TRIM66: variants seen among roughly 807,000 people sequenced by gnomAD.
TRIM66 encodes the protein tripartite motif-containing protein 66.
In TRIM66, 99 loss-of-function variants were observed where a neutral mutation model predicts 148.2. The observed-to-expected ratio is 0.67, with a 90% confidence interval of 0.57 to 0.79. The LOEUF (loss-of-function observed/expected upper bound fraction) is 0.79. Among genes scored for constraint, TRIM66 ranks in the 30% least tolerant of loss-of-function variants. TRIM66 has a pLI of 0.00. For missense variants in TRIM66, 1,666 were observed against 1,697.9 expected, an observed-to-expected ratio of 0.98 and a Z score of 0.33; for synonymous variants, 616 against 635.9, an observed-to-expected ratio of 0.97 and a Z score of 0.47.
rs1457217588 is a variant in TRIM66 at position 8,621,721 on chromosome 11, G to A, written c.3179C>T (p.Pro1060Leu). 1 of 1,551,614 alleles carries A rather than the reference G, an allele frequency of 6.4e-7. No individual in the cohort carries two copies. Among genetic ancestry groups the A allele is most frequent in the African/African-American group, 1.4e-5 (1 of 73,038 alleles). Reference sequence around the variant, plus strand: ...GCTCCCATCCTGATCATTCTTCTGTGGCTTCAGTTTGAACACAGGCATCTC... The same window carrying A: ...GCTCCCATCCTGATCATTCTTCTGTAGCTTCAGTTTGAACACAGGCATCTC... ...SGEMPVFKLK[P>L]QKNDQDGSFL... Residue 1060 changes from proline (P) to leucine (L), a missense_variant, in exon 19 of 25, where the codon CCA becomes CTA. By Grantham distance (98) the Pro-to-Leu change is moderately conservative. This residue lies in a region of TRIM66 where 1,431 missense variants were observed against 1,412.4 expected (regional missense o/e 1.01). Coordinates refer to ENST00000646038, the MANE Select transcript of TRIM66 (RefSeq NM_001388022.1).
Position 8,615,514 on chromosome 11 carries a change from T to G in TRIM66, c.*2430A>C, listed in dbSNP as rs2033666778. 6.6e-6 allele frequency: 1 copy of G among 152,122 alleles called. No homozygotes were observed. Among genetic ancestry groups the G allele is most frequent in the Non-Finnish European group, 1.5e-5 (1 of 68,020 alleles). The allele number at this position is 152,122 out of a possible 1,614,324, so 9.4% of individuals were successfully genotyped here. A position where few individuals can be genotyped will look rare whatever the true frequency, so the allele number is the denominator to read the frequency against. On this transcript the variant is annotated 3_prime_UTR_variant, in exon 25 of 25. Coordinates refer to ENST00000646038, the MANE Select transcript of TRIM66 (RefSeq NM_001388022.1). ...TGAAGAGCCTCTGCAGGCAGTCACT[T>G]GGCTAGTAGGATTTTTTTTTTTTTA...
chr11:8,629,137 A>G (rs911048652), intron 15 of TRIM66, among the ~76,000 whole-genome samples: 5 of 152,206 alleles, frequency 3.3e-5, no homozygotes, highest in African/African-American at 1.2e-4. Context: ...CCAAAAATCA[A>G]TGGCTATCTC....
intron 13 of TRIM66, among the ~76,000 whole-genome samples, chr11:8,642,426 T>C (rs1263552158): frequency 6.6e-6 from 1 of 152,214 alleles, no homozygotes; most frequent in East Asian, 1.9e-4. Flanking sequence ...TAACACTCGT[T>C]AGGCTGTCAA....
rs1041019886 is a variant in TRIM66, at chr11:8,616,158, G to A, written c.*1786C>T. 7 of 152,310 alleles carry A rather than the reference G, an allele frequency of 4.6e-5. No individual in the cohort carries two copies. In the East Asian group the frequency reaches 5.8e-4, roughly 13 times the overall value. 9.4% of individuals were successfully genotyped at this position (152,310 alleles called of 1,614,324 possible). The stretch of plus-strand genomic sequence containing the variant: ...ACTCAGTTACCCCAAACTAGAAAAC[G>A]GGATCACGGAAGCCCATCTGCTTAG... On this transcript the variant is annotated 3_prime_UTR_variant, in exon 25 of 25. Coordinates refer to ENST00000646038, the MANE Select transcript of TRIM66 (RefSeq NM_001388022.1).
chr11:8,627,402 T>G (rs2034956609), intron 15 of TRIM66, among the ~76,000 whole-genome samples: 1 of 152,240 alleles, frequency 6.6e-6, no homozygotes. Context: ...GAGAATTTAT[T>G]ATATGCAAGG....
chr11:8,644,533 C>T (rs2036683205), intron 12 of TRIM66: 1 of 402,532 alleles, frequency 2.5e-6, no homozygotes, highest in Non-Finnish European at 4.9e-6. Context: ...TCCTGTCCTC[C>T]CATCTCAGAC....
chr11:8,643,161 T>C, intron 12 of TRIM66, 35 bp from the exon 13 acceptor site: 1 of 1,528,180 alleles, frequency 6.5e-7, no homozygotes, highest in Non-Finnish European at 8.9e-7. Flanking sequence ...TATTTGGGCA[T>C]CTTGCACCTA....
chr11:8,682,465 C>T (rs1235714793), intron 1 of TRIM66, 136 bp downstream of exon 1: 1 of 386,464 alleles, frequency 2.6e-6, no homozygotes, highest in Non-Finnish European at 4.7e-6. Flanking sequence ...CCCTTAGGGT[C>T]GGCTTAGGCG....
intron 6 of TRIM66, among the ~76,000 whole-genome samples, chr11:8,665,515 T>C (rs988794330): frequency 7.2e-5 from 11 of 152,222 alleles, no homozygotes; most frequent in African/African-American, 2.4e-4. Flanking sequence ...TATGAGCTCT[T>C]TGAAGTCAAG....
chr11:8,679,715 G>T lies in TRIM66; in HGVS notation c.-285C>A, dbSNP rs145735913. 1 of 152,610 alleles carries T rather than the reference G, an allele frequency of 6.6e-6. No individual in the cohort carries two copies. 9.5% of individuals were successfully genotyped at this position (152,610 alleles called of 1,614,324 possible). ...CCAGTTTTGATGTCAAATAGACGAC[G>T]ATGTCTTCTTTGATCTCCCCTCCTA... On this transcript the variant is annotated 5_prime_UTR_variant, in exon 3 of 25. Coordinates refer to ENST00000646038, the MANE Select transcript of TRIM66 (RefSeq NM_001388022.1).
At chr11:8,655,176 G>A (rs770904924) in intron 6 of TRIM66, among the ~76,000 whole-genome samples, 3 of 152,088 alleles carry the variant, frequency 2.0e-5, no homozygotes, top group Admixed American at 6.6e-5. Flanking sequence ...TGCATTTTTC[G>A]GGAGTTTGTG....
At chr11:8,677,900 T>C (rs1425695183) in intron 3 of TRIM66, among the ~76,000 whole-genome samples, 51 of 152,320 alleles carry the variant, frequency 3.3e-4, no homozygotes, top group Non-Finnish European at 5.9e-5. Flanking sequence ...TAAAAATTCC[T>C]AATCTTCCAA....
At chr11:8,639,915 A>G (rs1050217620) in intron 14 of TRIM66, among the ~76,000 whole-genome samples, 1 of 152,186 alleles carries the variant, frequency 6.6e-6, no homozygotes, top group Admixed American at 6.5e-5. Context: ...CACTGGCAGG[A>G]GTTCAGCACA....
chr11:8,636,558 G>A (rs2035897778), intron 15 of TRIM66, among the ~76,000 whole-genome samples: 1 of 151,970 alleles, frequency 6.6e-6, no homozygotes, highest in African/African-American at 2.4e-5. Flanking sequence ...CCACTGGGAT[G>A]GGAGCATGGG....
intron 4 of TRIM66, among the ~76,000 whole-genome samples, chr11:8,672,619 C>CT (rs11293374): frequency 0.056 from 6,372 of 113,222 alleles, 219 homozygotes; most frequent in South Asian, 0.078. Context: ...ACTCCAGTCT[C>CT]TTTTTTTTTT....
upstream of TRIM66, chr11:8,682,740 G>GT (rs2039504302): frequency 1.7e-5 from 27 of 1,603,214 alleles, 1 homozygote; most frequent in South Asian, 2.9e-4. Flanking sequence ...GAAGTGAGGC[G>GT]TTTTGCCCCG....
At position 8,643,125 on chromosome 11, in the gene TRIM66, A is replaced by G; in HGVS notation, c.1106T>C (p.Ile369Thr). ...SVPFLFSKEL[I>T]VFQMQRLLET... is the part of the protein sequence containing the mutation. ...CAGCAATCGCTGCATCTGAAACACA[A>G]TCTGACAACAGCACCAAAGGTCATT... The change falls in exon 13 of 25, where the codon ATT (isoleucine) becomes ACT (threonine). Residue 369 changes from isoleucine (I) to threonine (T), a missense_variant and splice_region_variant. Physicochemically the swap from Ile to Thr is moderately conservative, Grantham distance 89. Coordinates refer to ENST00000646038, the MANE Select transcript of TRIM66 (RefSeq NM_001388022.1). 6.4e-7 allele frequency: 1 copy of G among 1,550,546 alleles called. No individual in the cohort carries two copies. Among genetic ancestry groups the G allele is most frequent in the Non-Finnish European group, 8.7e-7 (1 of 1,146,482 alleles).
chr11:8,635,499 T>A (rs531587403), intron 15 of TRIM66, among the ~76,000 whole-genome samples: 1 of 152,154 alleles, frequency 6.6e-6, no homozygotes, highest in Non-Finnish European at 1.5e-5. Context: ...CTTTTCCTCA[T>A]TGCAGTAGTT....
rs945873072 is a variant in TRIM66 at position 8,625,163 on chromosome 11, C to G, written c.2376G>C (p.Arg792Ser). 1.9e-6 allele frequency: 3 copies of G among 1,543,904 alleles called. No homozygotes were observed. The highest frequency in any genetic ancestry group is 2.7e-5 in the African/African-American group (2 of 73,042). ...NTLEMELSSTRLERPLEPQIQ... is the reference protein window; with the variant it reads ...NTLEMELSSTSLERPLEPQIQ... ...TCTGTGGCTCTAGGGGCCTCTCCAA[C>G]CTGGTAGATGACAACTCCATCTCCA... Residue 792 changes from arginine (R) to serine (S), a missense_variant, in exon 16 of 25, where the codon AGG (arginine) becomes AGC (serine). By Grantham distance (110) the Arg-to-Ser change is moderately radical. Coordinates refer to ENST00000646038, the MANE Select transcript of TRIM66 (RefSeq NM_001388022.1).
Sources: gnomAD v4.1 joint callset for allele counts (sites outside exome capture counted in the v4.1 genomes callset) on GRCh38, gnomAD v4.1.1 for gene constraint, gnomAD v4.1.1 regional missense constraint, MANE v1.5 for transcripts, NCBI Gene and HGNC (gene_info 2026-07-23, HGNC 2026-07-21) for gene names.